Variants in PARN observed in about 807,000 individuals in gnomAD.
PARN encodes poly(A)-specific ribonuclease, also known as poly(A)-specific ribonuclease PARN.
PARN carries 71 observed loss-of-function variants against 102.8 expected under a neutral mutation model. That is an observed-to-expected ratio of 0.69 (90% CI 0.57 to 0.84). The LOEUF is 0.84. Ranked by LOEUF, PARN falls within the 40% of genes least tolerant of loss-of-function variation. The probability of loss-of-function intolerance (pLI) is 0.00; values close to 1 mark genes in which losing one functional copy is unlikely to be tolerated. For missense variants in PARN, 782 were observed against 760.9 expected (o/e 1.03, Z -0.33); for synonymous variants, 261 against 252.9 (o/e 1.03, Z -0.30).
At chr16:14,604,443 T>C (rs766845903) in intron 10 of PARN, among the ~76,000 whole-genome samples, 1 of 152,004 alleles carries the variant, frequency 6.6e-6, no homozygotes, top group Non-Finnish European at 1.5e-5. Context: ...GTATTTTTAG[T>C]AGAGACGGAG....
chr16:14,519,487 A>T (rs1199257131), intron 21 of PARN, among the ~76,000 whole-genome samples: 1 of 152,082 alleles, frequency 6.6e-6, no homozygotes, highest in Non-Finnish European at 1.5e-5. Context: ...AAGGAACCAG[A>T]GCTCTTTGTA....
At chr16:14,579,806 T>C (rs1295099620) in intron 18 of PARN, among the ~76,000 whole-genome samples, 1 of 151,994 alleles carries the variant, frequency 6.6e-6, no homozygotes, top group Non-Finnish European at 1.5e-5. Context: ...TGAAACACCA[T>C]CTCTACTAAA....
chr16:14,516,461 T>TA (rs1173919155), intron 21 of PARN, among the ~76,000 whole-genome samples: 6 of 150,808 alleles, frequency 4.0e-5, no homozygotes, highest in African/African-American at 1.5e-4. Context: ...CTAGGAGACT[T>TA]AAAAAAAAAT....
rs761977483 is a variant in PARN, at chr16:14,599,957, C to A, written c.787G>T (p.Glu263Ter). 1.9e-6 allele frequency: 3 copies of A among 1,575,674 alleles called. No individual in the cohort carries two copies. In the African/African-American group the frequency reaches 4.1e-5, roughly 21 times the overall value. ...GAAAATCCCACAGCATCATTCAGCTCCTCCTAATTAAAAAAATATATACAT... is the reference window on the plus strand; with the variant it reads ...GAAAATCCCACAGCATCATTCAGCTACTCCTAATTAAAAAAATATATACAT... The part of the protein sequence containing the change: ...EQQKHAKEQE[E>*]LNDAVGFSRV... Residue 263 changes from glutamate to a stop codon, truncating the protein, a stop_gained, in exon 12 of 24, where the codon GAG becomes TAG. Coordinates refer to ENST00000437198, the MANE Select transcript of PARN (RefSeq NM_002582.4). LOFTEE classifies it high-confidence loss of function.
At chr16:14,590,069 G>A (rs1295956956) in intron 13 of PARN, among the ~76,000 whole-genome samples, 2 of 151,344 alleles carry the variant, frequency 1.3e-5, no homozygotes, top group Non-Finnish European at 2.9e-5. Context: ...TTGCCAACAT[G>A]GTGAAACCCC....
chr16:14,544,010 G>A (rs1473212166), intron 21 of PARN, among the ~76,000 whole-genome samples: 5 of 152,126 alleles, frequency 3.3e-5, no homozygotes, highest in African/African-American at 1.2e-4. Context: ...GCCTGACCAA[G>A]ATGGAGAAAC....
chr16:14,591,448 T>C (rs1347798752), intron 13 of PARN, among the ~76,000 whole-genome samples: 1 of 151,982 alleles, frequency 6.6e-6, no homozygotes, highest in Non-Finnish European at 1.5e-5. Flanking sequence ...TGGCATACTA[T>C]GGTCCATAGG....
chr16:14,596,371 GTAT>G (rs1393878610), intron 12 of PARN, among the ~76,000 whole-genome samples: 4 of 151,864 alleles, frequency 2.6e-5, no homozygotes, highest in African/African-American at 7.3e-5. Flanking sequence ...TAATAATCTA[GTAT>G]TATTATTAAT....
At chr16:14,550,575 C>G (rs1036466272) in intron 21 of PARN, among the ~76,000 whole-genome samples, 3 of 152,164 alleles carry the variant, frequency 2.0e-5, no homozygotes, top group African/African-American at 7.2e-5. Context: ...AGCTTTTCCC[C>G]TCTACAGCAT....
chr16:14,627,834 G>A (rs1200115432), intron 3 of PARN, among the ~76,000 whole-genome samples: 1 of 151,790 alleles, frequency 6.6e-6, no homozygotes, highest in Non-Finnish European at 1.5e-5. Flanking sequence ...AAAAGAATAT[G>A]TAAAAATTAA....
At chr16:14,481,511 C>T (rs1233507758) in intron 22 of PARN, among the ~76,000 whole-genome samples, 1 of 152,120 alleles carries the variant, frequency 6.6e-6, no homozygotes, top group Non-Finnish European at 1.5e-5. Flanking sequence ...CAAGGAAATT[C>T]AAGGGAAATA....
At chr16:14,459,896 CT>C (rs1249230745) in intron 22 of PARN, among the ~76,000 whole-genome samples, 5 of 152,106 alleles carry the variant, frequency 3.3e-5, no homozygotes, top group Non-Finnish European at 7.4e-5. Context: ...CAGTAATTTA[CT>C]TTTCATAAAA....
At chr16:14,555,305 G>A (rs1441729867) in intron 19 of PARN, among the ~76,000 whole-genome samples, 1 of 151,802 alleles carries the variant, frequency 6.6e-6, no homozygotes, top group African/African-American at 2.4e-5. Context: ...TCAAGTAACT[G>A]GAAAACAGAA....
intron 21 of PARN, among the ~76,000 whole-genome samples, chr16:14,489,248 T>C (rs927326447): frequency 2.0e-5 from 3 of 151,984 alleles, no homozygotes; most frequent in Non-Finnish European, 4.4e-5. Context: ...TTAGTAATGT[T>C]TTAATTCTTT....
intron 22 of PARN, among the ~76,000 whole-genome samples, chr16:14,453,757 G>T (rs1360336263): frequency 6.6e-6 from 1 of 152,274 alleles, no homozygotes; most frequent in African/African-American, 2.4e-5. Flanking sequence ...TCACATGGCT[G>T]TTAGTATTAG....
chr16:14,588,486 T>C (rs767906196), intron 13 of PARN, among the ~76,000 whole-genome samples: 4 of 152,214 alleles, frequency 2.6e-5, no homozygotes, highest in South Asian at 2.1e-4. Flanking sequence ...CGATATTTAA[T>C]GCCTTCTAGT....
At chr16:14,471,143 G>C (rs1472203809) in intron 22 of PARN, among the ~76,000 whole-genome samples, 1 of 152,158 alleles carries the variant, frequency 6.6e-6, no homozygotes, top group Non-Finnish European at 1.5e-5. Flanking sequence ...TTTTGTCAAA[G>C]TCTGTAGAGT....
At chr16:14,553,937 AGAGTGAAATTAAAACCTTG>A (rs1365296329) in intron 20 of PARN, 109 bp downstream of exon 20, 2 of 648,182 alleles carry the variant, frequency 3.1e-6, no homozygotes, top group Admixed American at 2.9e-5. Flanking sequence ...GAAAATTCAA[AGAGTGAAATTAAAACCTTG>A]AATATTAACA....
chr16:14,482,933 G>A, intron 21 of PARN, 106 bp from the exon 22 acceptor site: 6 of 876,376 alleles, frequency 6.8e-6, no homozygotes, highest in Non-Finnish European at 1.0e-5. Context: ...GCCCCATCAG[G>A]CCTGAGGTCT....
Sources: gnomAD v4.1 joint callset for allele counts (sites outside exome capture counted in the v4.1 genomes callset) on GRCh38, gnomAD v4.1.1 for gene constraint, MANE v1.5 for transcripts, NCBI Gene and HGNC (gene_info 2026-07-23, HGNC 2026-07-21) for gene names.